AUTS2: variants seen among roughly 807,000 people sequenced by gnomAD.
AUTS2 encodes activator of transcription and developmental regulator AUTS2.
AUTS2 carries 17 observed loss-of-function variants against 112.4 expected under a neutral mutation model. The observed-to-expected ratio is 0.15, with a 90% CI of 0.10 to 0.23. AUTS2 has a LOEUF of 0.23. AUTS2 is among the 10% of genes least tolerant of loss of function. The pLI is 1.00. For missense variants in AUTS2, 1,510 were observed against 1,701.6 expected, an observed-to-expected ratio of 0.89 and a Z score of 1.98; for synonymous variants, 751 against 702.7, an observed-to-expected ratio of 1.07 and a Z score of -1.09.
chr7:69,675,945 C>T (rs1402312762), intron 1 of AUTS2, among the ~76,000 whole-genome samples: 1 of 152,098 alleles, frequency 6.6e-6, no homozygotes, highest in Non-Finnish European at 1.5e-5. Context: ...ATAATTTTTA[C>T]ATTATATATT....
chr7:69,831,868 AT>A (rs2129527564), intron 1 of AUTS2, among the ~76,000 whole-genome samples: 1 of 152,338 alleles, frequency 6.6e-6, no homozygotes, highest in South Asian at 2.1e-4. Flanking sequence ...ACTTTACTTA[AT>A]AATTGAAAGT....
At chr7:70,320,221 A>G (rs1790189231) in intron 4 of AUTS2, among the ~76,000 whole-genome samples, 1 of 152,200 alleles carries the variant, frequency 6.6e-6, no homozygotes, top group South Asian at 2.1e-4. Context: ...TTATTACAGT[A>G]TCATCTTCAG....
At chr7:70,370,739 G>T (rs1792801703) in intron 4 of AUTS2, among the ~76,000 whole-genome samples, 1 of 152,052 alleles carries the variant, frequency 6.6e-6, no homozygotes, top group Non-Finnish European at 1.5e-5. Flanking sequence ...TTAACCATTT[G>T]AGTAATTGCC....
intron 2 of AUTS2, among the ~76,000 whole-genome samples, chr7:70,070,994 T>A (rs912897234): frequency 4.6e-5 from 7 of 151,988 alleles, no homozygotes; most frequent in Non-Finnish European, 8.8e-5. Context: ...TTAAAAAAAA[T>A]TTTTTTAATA....
At chr7:69,996,625 C>T (rs1450297320) in intron 2 of AUTS2, among the ~76,000 whole-genome samples, 1 of 152,244 alleles carries the variant, frequency 6.6e-6, no homozygotes, top group Non-Finnish European at 1.5e-5. Flanking sequence ...TTCTTACTCT[C>T]GCCCACCCGC....
chr7:69,744,379 C>G (rs1026785481), intron 1 of AUTS2, among the ~76,000 whole-genome samples: 6 of 152,056 alleles, frequency 3.9e-5, no homozygotes, highest in Non-Finnish European at 5.9e-5. Context: ...TTTTACTGAT[C>G]AGGAGGAACT....
intron 1 of AUTS2, among the ~76,000 whole-genome samples, chr7:69,602,670 T>G (rs1477658042): frequency 2.0e-5 from 3 of 152,194 alleles, no homozygotes; most frequent in African/African-American, 7.2e-5. Context: ...TTATCACACT[T>G]AAATGAATGT....
chr7:69,730,986 A>G (rs1303245810), intron 1 of AUTS2, among the ~76,000 whole-genome samples: 1 of 152,160 alleles, frequency 6.6e-6, no homozygotes, highest in Admixed American at 6.5e-5. Context: ...CTGGCAATAT[A>G]GATAGTGGTT....
intron 6 of AUTS2, among the ~76,000 whole-genome samples, chr7:70,719,120 T>C (rs1239982613): frequency 2.6e-5 from 4 of 152,156 alleles, no homozygotes; most frequent in Non-Finnish European, 5.9e-5. Context: ...AGGTAGATGG[T>C]ATTAACACTG....
At chr7:70,490,933 C>T (rs1403158383) in intron 5 of AUTS2, among the ~76,000 whole-genome samples, 3 of 152,200 alleles carry the variant, frequency 2.0e-5, no homozygotes, top group Non-Finnish European at 4.4e-5. Context: ...GCTGGCTGCT[C>T]ACCTCCAGCT....
intron 5 of AUTS2, among the ~76,000 whole-genome samples, chr7:70,469,164 C>T (rs77772416): frequency 6.6e-6 from 1 of 152,348 alleles, no homozygotes; most frequent in African/African-American, 2.4e-5. Flanking sequence ...ATATATCCAT[C>T]ACGGAGCAGC....
intron 1 of AUTS2, among the ~76,000 whole-genome samples, chr7:69,725,469 A>C (rs1439332423): frequency 6.6e-6 from 1 of 152,182 alleles, no homozygotes; most frequent in African/African-American, 2.4e-5. Flanking sequence ...ATCTTCATGA[A>C]GGAAGTGACA....
chr7:70,297,255 ACTC>A (rs1284666274), intron 4 of AUTS2, among the ~76,000 whole-genome samples: 1 of 151,734 alleles, frequency 6.6e-6, no homozygotes, highest in East Asian at 1.9e-4. Flanking sequence ...AGGAAAGACT[ACTC>A]TGTGGTCAAA....
At chr7:70,185,864 T>G (rs1809576247) in intron 4 of AUTS2, among the ~76,000 whole-genome samples, 1 of 152,176 alleles carries the variant, frequency 6.6e-6, no homozygotes, top group Non-Finnish European at 1.5e-5. Context: ...GCCTGCCAAC[T>G]CAGGAAAGGC....
At chr7:70,224,509 A>G (rs1811666071) in intron 4 of AUTS2, among the ~76,000 whole-genome samples, 1 of 152,234 alleles carries the variant, frequency 6.6e-6, no homozygotes, top group South Asian at 2.1e-4. Context: ...ATGTTATTAA[A>G]AAGGATTCAA....
chr7:70,150,381 A>G (rs1807365235), intron 4 of AUTS2, among the ~76,000 whole-genome samples: 1 of 152,180 alleles, frequency 6.6e-6, no homozygotes, highest in African/African-American at 2.4e-5. Context: ...GAAAGCATAC[A>G]GTTCCAATTC....
At chr7:69,978,972 T>C (rs558277174) in intron 2 of AUTS2, among the ~76,000 whole-genome samples, 3 of 152,234 alleles carry the variant, frequency 2.0e-5, no homozygotes, top group South Asian at 2.1e-4. Flanking sequence ...TATATCTGTC[T>C]ATAAGTTTAA....
chr7:69,998,632 G>T (rs781043388), intron 2 of AUTS2, among the ~76,000 whole-genome samples: 12 of 152,190 alleles, frequency 7.9e-5, no homozygotes, highest in Non-Finnish European at 1.8e-4. Context: ...ATGCATTGTT[G>T]TAAGTAGTAT....
intron 5 of AUTS2, among the ~76,000 whole-genome samples, chr7:70,488,770 G>T (rs372593999): frequency 6.6e-6 from 1 of 152,078 alleles, no homozygotes; most frequent in South Asian, 2.1e-4. Flanking sequence ...GGGAAGACGC[G>T]TATCCCTTCA....
Sources: gnomAD v4.1 joint callset for allele counts (sites outside exome capture counted in the v4.1 genomes callset) on GRCh38, gnomAD v4.1.1 for gene constraint, MANE v1.5 for transcripts, NCBI Gene and HGNC (gene_info 2026-07-23, HGNC 2026-07-21) for gene names.